The following AURKC variants were observed in gnomAD, a reference collection of about 807,000 sequenced individuals.
AURKC encodes the protein ARK-3.
AURKC carries 15 observed loss-of-function variants against 29.2 expected under a neutral mutation model. The ratio of observed to expected loss-of-function variants is 0.51; its 90% CI spans 0.34 to 0.79. The LOEUF is 0.79. Among genes scored for constraint, AURKC ranks in the 30% least tolerant of loss-of-function variants. The probability of loss-of-function intolerance (pLI) is 0.01; values close to 1 mark genes in which losing one functional copy is unlikely to be tolerated. For synonymous variants in AURKC, 150 were observed against 149.9 expected, an observed-to-expected ratio of 1.00 and a Z score of -0.01; for missense variants, 332 against 383.2, an observed-to-expected ratio of 0.87 and a Z score of 1.12.
In AURKC at chr19:57,232,689, C is replaced by A; in HGVS notation, c.435+9C>A. The A allele has an allele frequency of 6.2e-7, 1 of 1,612,976 alleles. No homozygotes were observed. Among genetic ancestry groups the A allele is most frequent in the East Asian group, 2.2e-5 (1 of 44,878 alleles). On this transcript the variant is annotated intron_variant, in intron 4 of 6. Coordinates refer to ENST00000302804, the MANE Select transcript of AURKC (RefSeq NM_001015878.2). This position sits in a 1 kb window ranked among gnomAD's most constrained non-coding sequence, Gnocchi z 4.5. The stretch of plus-strand genomic sequence containing the variant: ...AACAGCGCACAGCCACGGTGAGGTG[C>A]GGGTCTGGAGGCTCTGGGGTCTCTG...
chr19:57,234,053 C>CTT (rs10586926), intron 5 of AURKC, among the ~76,000 whole-genome samples: 24 of 112,584 alleles, frequency 2.1e-4, no homozygotes, highest in Non-Finnish European at 3.0e-4. Context: ...TTTTTCTTTT[C>CTT]TTTTTTTTTT....
In AURKC at chr19:57,235,009, C is replaced by T; in HGVS notation, c.710C>T (p.Pro237Leu). The T allele has an allele frequency of 6.2e-7, 1 of 1,614,106 alleles. No homozygotes were observed. The highest frequency in any genetic ancestry group is 2.2e-5 in the East Asian group (1 of 44,876). ...VLCYELLVGY[P>L]PFESASHSET... ...TGCTATGAGCTGCTGGTGGGATATC[C>T]ACCCTTTGAGAGCGCCTCCCACAGT... is the stretch of plus-strand genomic sequence containing the variant. Residue 237 changes from proline (P) to leucine (L), a missense_variant, in exon 6 of 7, where the codon CCA becomes CTA. Physicochemically the swap from Pro to Leu is moderately conservative, Grantham distance 98. Coordinates refer to ENST00000302804, the MANE Select transcript of AURKC (RefSeq NM_001015878.2).
intron 1 of AURKC, 108 bp downstream of exon 1, chr19:57,231,414 C>A: frequency 7.9e-7 from 1 of 1,261,746 alleles, no homozygotes; most frequent in South Asian, 1.3e-5. Flanking sequence ...CTCCTCCTCC[C>A]CAACGCTCTT....
In AURKC at chr19:57,232,407, C is replaced by T; in HGVS notation, c.297-135C>T. The T allele has an allele frequency of 2.0e-6, 3 of 1,479,336 alleles. No individual in the cohort carries two copies. The highest frequency in any genetic ancestry group is 2.8e-6 in the Non-Finnish European group (3 of 1,068,128). The allele number at this position is 1,479,336 out of a possible 1,614,324, so 91.6% of individuals were successfully genotyped here. A position where few individuals can be genotyped will look rare whatever the true frequency, so the allele number is the denominator to read the frequency against. On this transcript the variant is annotated intron_variant, in intron 3 of 6. Transcript: ENST00000302804. The surrounding 1 kb of genome is among the most constrained non-coding windows in gnomAD (Gnocchi z 4.5). ...CCTGGTTCCTGTTCTCCGTTCTCCC[C>T]TCACTTGCTCCCAGATAGGGCTGTT...
Position 57,233,436 on chromosome 19 carries a change from G to A in AURKC, c.436-24G>A, listed in dbSNP as rs368077114. On this transcript the variant is annotated intron_variant, in intron 4 of 6. Coordinates refer to ENST00000302804, the MANE Select transcript of AURKC (RefSeq NM_001015878.2). ...AAATTGTGGCAGGCTTCACTTCCAGGGTGACTTTTCTTTGCACCCACAGAT... is the reference window on the plus strand; with the variant it reads ...AAATTGTGGCAGGCTTCACTTCCAGAGTGACTTTTCTTTGCACCCACAGAT... 31 of 1,614,088 alleles carry A rather than the reference G, an allele frequency of 1.9e-5. No homozygotes were observed. In the African/African-American group the frequency reaches 2.7e-4, roughly 14 times the overall value.
intron 4 of AURKC, 52 bp from the exon 5 acceptor site, chr19:57,233,408 C>G: frequency 6.2e-7 from 1 of 1,613,366 alleles, no homozygotes; most frequent in Non-Finnish European, 8.5e-7. Context: ...CCACCTCAGA[C>G]GGAAATTGTG....
Position 57,232,244 on chromosome 19 carries a change from C to T in AURKC, c.296+20C>T, listed in dbSNP as rs2087500612. On this transcript the variant is annotated intron_variant, in intron 3 of 6. Coordinates refer to ENST00000302804, the MANE Select transcript of AURKC (RefSeq NM_001015878.2). This position sits in a 1 kb window ranked among gnomAD's most constrained non-coding sequence, Gnocchi z 4.5. Reference sequence around the variant, plus strand: ...TCTACAGTAAGGACAGTCTCTGCTTCCTCTTTCATCTTTGACGTCTGAGCC... The same window carrying T: ...TCTACAGTAAGGACAGTCTCTGCTTTCTCTTTCATCTTTGACGTCTGAGCC... The T allele has an allele frequency of 6.2e-7, 1 of 1,612,892 alleles. No individual in the cohort carries two copies. Among genetic ancestry groups the T allele is most frequent in the Non-Finnish European group, 8.5e-7 (1 of 1,179,900 alleles).
Position 57,231,730 on chromosome 19 carries a change from CCT to C in AURKC, c.59-7_59-6del, listed in dbSNP as rs1160749007. On this transcript the variant is annotated splice_polypyrimidine_tract_variant and intron_variant, in intron 1 of 6. Coordinates refer to ENST00000302804, the MANE Select transcript of AURKC (RefSeq NM_001015878.2). The stretch of plus-strand genomic sequence containing the variant: ...TCTCCCTTCCTATCTCCCTCCTCCT[CCT>C]CTCTTTCAGTGGCTACAGCAAACCA... The C allele has an allele frequency of 6.2e-7, 1 of 1,613,816 alleles. No homozygotes were observed. The highest frequency in any genetic ancestry group is 1.7e-5 in the Admixed American group (1 of 59,948).
At chr19:57,231,424 T>A (rs1215922373) in intron 1 of AURKC, 118 bp downstream of exon 1, 10 of 1,172,638 alleles carry the variant, frequency 8.5e-6, no homozygotes, top group Non-Finnish European at 1.2e-5. Context: ...CCAACGCTCT[T>A]CTTTTCTCCC....
At position 57,232,487 on chromosome 19, in the gene AURKC, C is replaced by A; in HGVS notation, c.297-55C>A. On this transcript the variant is annotated intron_variant, in intron 3 of 6. Transcript: ENST00000302804. The surrounding 1 kb of genome is among the most constrained non-coding windows in gnomAD (Gnocchi z 4.5). Reference sequence around the variant, plus strand: ...TTGTGTGACCAGGCAGTGACGGTGGCATCATATGATAGGCCTCAGGGAGAA... The same window carrying A: ...TTGTGTGACCAGGCAGTGACGGTGGAATCATATGATAGGCCTCAGGGAGAA... The A allele has an allele frequency of 6.2e-7, 1 of 1,612,870 alleles. No individual in the cohort carries two copies. The highest frequency in any genetic ancestry group is 8.5e-7 in the Non-Finnish European group (1 of 1,179,382).
chr19:57,231,615 C>T lies in AURKC; in HGVS notation c.59-127C>T. 4 of 956,526 alleles carry T rather than the reference C, an allele frequency of 4.2e-6. No homozygotes were observed. In the South Asian group the frequency reaches 5.6e-5, roughly 13 times the overall value. The allele number at this position is 956,526 out of a possible 1,614,324, so 59.3% of individuals were successfully genotyped here. The stretch of plus-strand genomic sequence containing the variant: ...GCCTTCCCCTTCCCTCTCTTTCTCT[C>T]CTCCCCTTCTTCCCCTCACCTCTCG... On this transcript the variant is annotated intron_variant, in intron 1 of 6. Coordinates refer to ENST00000302804, the MANE Select transcript of AURKC (RefSeq NM_001015878.2).
rs548825728 is a variant in AURKC, at chr19:57,233,759, T to C, written c.584+151T>C. On this transcript the variant is annotated intron_variant, in intron 5 of 6. Coordinates refer to ENST00000302804, the MANE Select transcript of AURKC (RefSeq NM_001015878.2). ...TTTTTCTTTTCTTTTCTTTTCTTTT[T>C]TTTTTTGAGACAGAGTCTAACTCTT... is the stretch of plus-strand genomic sequence containing the variant. The C allele has an allele frequency of 8.3e-4, 972 of 1,171,780 alleles. 3 individuals carry two copies. Among genetic ancestry groups the C allele is most frequent in the Non-Finnish European group, 1.1e-3 (872 of 825,682 alleles). The allele number at this position is 1,171,780 out of a possible 1,614,324, so 72.6% of individuals were successfully genotyped here.
At chr19:57,231,716 A>G (rs1405026546) in intron 1 of AURKC, 26 bp from the exon 2 acceptor site, 5 of 1,603,854 alleles carry the variant, frequency 3.1e-6, no homozygotes, top group East Asian at 2.2e-5. Context: ...CTCCCTTCCT[A>G]TCTCCCTCCT....
At chr19:57,231,934 A>T in intron 2 of AURKC, 99 bp from the exon 3 acceptor site, 1 of 1,602,848 alleles carries the variant, frequency 6.2e-7, no homozygotes, top group Non-Finnish European at 8.5e-7. Context: ...CGGCAGAGGA[A>T]GGATACAATG....
In AURKC at chr19:57,231,318, C is replaced by G; in HGVS notation, c.58+12C>G. ...TGCAGGCGAAGAGTGTGAGAGCCAG[C>G]GCCAGAGAAAGGACGCAGGGAAGGC... On this transcript the variant is annotated intron_variant, in intron 1 of 6. Transcript: ENST00000302804. 1 of 1,552,502 alleles carries G rather than the reference C, an allele frequency of 6.4e-7. No homozygotes were observed. The highest frequency in any genetic ancestry group is 8.7e-7 in the Non-Finnish European group (1 of 1,147,530).
chr19:57,232,199 G>T lies in AURKC; in HGVS notation c.271G>T (p.Glu91Ter), dbSNP rs938334932. The change falls in exon 3 of 7, where the codon GAA (glutamate) becomes TAA (stop). Residue 91 changes from glutamate (E) to a stop codon, truncating the protein, a stop_gained. Transcript: ENST00000302804. LOFTEE classifies it high-confidence loss of function. The surrounding 1 kb of genome is among the most constrained non-coding windows in gnomAD (Gnocchi z 4.5). ...AGGACTGGAGCACCAGCTGCGCCGG[G>T]AAATTGAGATCCAGGCTCATCTACA... ...KEGLEHQLRR[E>*]IEIQAHLQHP... The T allele has an allele frequency of 6.2e-7, 1 of 1,613,956 alleles. No homozygotes were observed. Among genetic ancestry groups the T allele is most frequent in the Non-Finnish European group, 8.5e-7 (1 of 1,180,036 alleles).
rs373140364 is a variant in AURKC at position 57,231,101 on chromosome 19, G to T, written c.-148G>T. On this transcript the variant is annotated 5_prime_UTR_variant, in exon 1 of 7. Coordinates refer to ENST00000302804, the MANE Select transcript of AURKC (RefSeq NM_001015878.2). Reference sequence around the variant, plus strand: ...CGCCGCGGATCCCGAAGCCTGTGTAGCAGTGAGACATCAGTGAGGCTGCAG... The same window carrying T: ...CGCCGCGGATCCCGAAGCCTGTGTATCAGTGAGACATCAGTGAGGCTGCAG... 18 of 1,520,352 alleles carry T rather than the reference G, an allele frequency of 1.2e-5. No individual in the cohort carries two copies. The highest frequency in any genetic ancestry group is 5.5e-5 in the African/African-American group (4 of 72,674). The allele number at this position is 1,520,352 out of a possible 1,614,324, so 94.2% of individuals were successfully genotyped here.
rs950760556 is a variant in AURKC at position 57,232,763 on chromosome 19, C to G, written c.435+83C>G. 2 of 1,564,136 alleles carry G rather than the reference C, an allele frequency of 1.3e-6. No individual in the cohort carries two copies. Among genetic ancestry groups the G allele is most frequent in the South Asian group, 2.2e-5 (2 of 89,652 alleles). The stretch of plus-strand genomic sequence containing the variant: ...CTCTGTTTGTGGCTGTCAGGAGGGT[C>G]CGCATTGCCTTCTGAGAAGTTTACT... On this transcript the variant is annotated intron_variant, in intron 4 of 6. Transcript: ENST00000302804. The surrounding 1 kb of genome is among the most constrained non-coding windows in gnomAD (Gnocchi z 4.5).
intron 6 of AURKC, 88 bp downstream of exon 6, chr19:57,235,146 C>A: frequency 1.5e-5 from 24 of 1,611,134 alleles, no homozygotes; most frequent in Non-Finnish European, 2.0e-5. Context: ...GGGTTGTCTT[C>A]TGTGGTCCAG....
Sources: allele counts gnomAD v4.1 joint callset (sites outside exome capture counted in the v4.1 genomes callset), GRCh38; gene constraint gnomAD v4.1.1; non-coding constraint Gnocchi (gnomAD v3.1); transcripts MANE v1.5; gene names NCBI Gene and HGNC (gene_info 2026-07-23, HGNC 2026-07-21).